The following GYS2 variants were observed in gnomAD, a reference collection of about 807,000 sequenced individuals.
GYS2 encodes the protein glycogen [starch] synthase, liver.
In GYS2, 80 loss-of-function variants were observed where a neutral mutation model predicts 85.6. That is an observed-to-expected ratio of 0.93 (90% confidence interval 0.78 to 1.13). The LOEUF is 1.13. Ranked by LOEUF, GYS2 falls within the 50% of genes most tolerant of loss-of-function variation. The pLI, the probability that GYS2 is intolerant of heterozygous loss-of-function variation, is 0.00. For synonymous variants in GYS2, 328 were observed against 300.7 expected (o/e 1.09, Z -0.94); for missense variants, 881 against 854.9 (o/e 1.03, Z -0.38).
intron 5 of GYS2, among the ~76,000 whole-genome samples, chr12:21,565,494 G>A (rs866345050): frequency 4.9e-5 from 7 of 142,810 alleles, no homozygotes; most frequent in African/African-American, 1.0e-4. Context: ...GTAATGGTGC[G>A]CAGTAACATA....
intron 1 of GYS2, among the ~76,000 whole-genome samples, chr12:21,585,427 C>T (rs967062029): frequency 1.3e-5 from 2 of 151,988 alleles, no homozygotes; most frequent in Admixed American, 6.6e-5. Flanking sequence ...GGTAAGGAAG[C>T]GTATGCATGG....
chr12:21,566,363 T>C (rs1944320821), intron 5 of GYS2, among the ~76,000 whole-genome samples: 1 of 152,036 alleles, frequency 6.6e-6, no homozygotes, highest in Non-Finnish European at 1.5e-5. Context: ...TTTTTTTTTT[T>C]CAGAATGCTC....
At chr12:21,590,606 G>T (rs937986081) in intron 1 of GYS2, among the ~76,000 whole-genome samples, 4 of 152,086 alleles carry the variant, frequency 2.6e-5, no homozygotes, top group African/African-American at 7.2e-5. Flanking sequence ...AGAAGCCTGA[G>T]GACCCACACA....
At chr12:21,594,669 A>C (rs1384256640) in intron 1 of GYS2, among the ~76,000 whole-genome samples, 1 of 152,134 alleles carries the variant, frequency 6.6e-6, no homozygotes, top group East Asian at 1.9e-4. Flanking sequence ...TGGCCATACT[A>C]CCCAAAGCAA....
At chr12:21,595,685 A>C (rs1180214806) in intron 1 of GYS2, among the ~76,000 whole-genome samples, 1 of 152,236 alleles carries the variant, frequency 6.6e-6, no homozygotes, top group Non-Finnish European at 1.5e-5. Flanking sequence ...AACAGCAGTT[A>C]AAAGAGACAA....
chr12:21,580,503 TCA>T lies in GYS2; in HGVS notation c.140_141del (p.Val47AspfsTer11). 1 of 1,613,536 alleles carries T rather than the reference TCA, an allele frequency of 6.2e-7. No homozygotes were observed. On this transcript the variant is annotated frameshift_variant, in exon 2 of 16. Coordinates refer to ENST00000261195, the MANE Select transcript of GYS2 (RefSeq NM_021957.4). LOFTEE classifies it high-confidence loss of function. ...VTNKVGGIYTVIQTKAKTTAD... is the reference protein window; with the variant it reads ...VTNKVGGIYTXIQTKAKTTAD... The stretch of plus-strand genomic sequence containing the variant: ...GCTGTTGTTTTGGCCTTTGTCTGAA[TCA>T]CAGTATAGATGCCTCCAACTGTTAA...
intron 11 of GYS2, among the ~76,000 whole-genome samples, chr12:21,551,286 G>A (rs1304326046): frequency 6.6e-6 from 1 of 150,822 alleles, no homozygotes; most frequent in Non-Finnish European, 1.5e-5. Flanking sequence ...GAAATAATAA[G>A]TATGCATTCT....
In GYS2 at chr12:21,580,350, C is replaced by G. The variant is rs754215144; in HGVS notation, c.295G>C (p.Gly99Arg). Residue 99 changes from glycine to arginine, a missense_variant, in exon 2 of 16, where the codon GGC (glycine) becomes CGC (arginine). Coordinates refer to ENST00000261195, the MANE Select transcript of GYS2 (RefSeq NM_021957.4). The stretch of plus-strand genomic sequence containing the variant: ...AGTGTCAGTTCCTTTACCTGGCAGC[C>G]ATGCTTATTCATTGCGTCCACTGCT... ...RRAVDAMNKH[G>R]CQVHFGRWLI... 1.9e-6 allele frequency: 3 copies of G among 1,613,178 alleles called. No homozygotes were observed. Among genetic ancestry groups the G allele is most frequent in the Non-Finnish European group, 1.7e-6 (2 of 1,179,474 alleles).
At chr12:21,599,090 C>CA in intron 1 of GYS2, among the ~76,000 whole-genome samples, 1 of 151,924 alleles carries the variant, frequency 6.6e-6, no homozygotes, top group East Asian at 1.9e-4. Context: ...TCTCTCTCCC[C>CA]CATCTCTCTC....
chr12:21,575,506 AAGCTTATTAAACAAAT>A (rs1944434457), intron 3 of GYS2, among the ~76,000 whole-genome samples: 1 of 152,082 alleles, frequency 6.6e-6, no homozygotes, highest in Non-Finnish European at 1.5e-5. Context: ...ATCACCTGGA[AAGCTTATTAAACAAAT>A]AGCTTATTAA....
intron 1 of GYS2, among the ~76,000 whole-genome samples, chr12:21,588,814 C>CA (rs1944602206): frequency 6.6e-6 from 1 of 152,172 alleles, no homozygotes; most frequent in Non-Finnish European, 1.5e-5. Context: ...AAATTCTGGA[C>CA]AATTTTAGAA....
chr12:21,536,759 A>G lies in GYS2; in HGVS notation c.*195T>C, dbSNP rs1308300880. Reference sequence around the variant, plus strand: ...TGCCTAACTTTATGGGGGAAACAAGAGTTGGGGAAAATAACTTGGATCTTA... The same window carrying G: ...TGCCTAACTTTATGGGGGAAACAAGGGTTGGGGAAAATAACTTGGATCTTA... On this transcript the variant is annotated 3_prime_UTR_variant, in exon 16 of 16. Coordinates refer to ENST00000261195, the MANE Select transcript of GYS2 (RefSeq NM_021957.4). The G allele has an allele frequency of 1.0e-5, 6 of 601,068 alleles. No homozygotes were observed. In the East Asian group the frequency reaches 1.7e-4, roughly 17 times the overall value. The allele number at this position is 601,068 out of a possible 1,614,324, so 37.2% of individuals were successfully genotyped here.
intron 7 of GYS2, among the ~76,000 whole-genome samples, chr12:21,560,989 G>A (rs1944246199): frequency 6.6e-6 from 1 of 152,154 alleles, no homozygotes; most frequent in African/African-American, 2.4e-5. Flanking sequence ...ATTGATGACA[G>A]ATAGATTATT....
intron 11 of GYS2, among the ~76,000 whole-genome samples, chr12:21,553,380 A>G (rs1431514390): frequency 6.6e-6 from 1 of 152,242 alleles, no homozygotes; most frequent in Non-Finnish European, 1.5e-5. Flanking sequence ...TTCTTTATAG[A>G]TCTGCCAACC....
chr12:21,562,327 C>CTA (rs1944263535), intron 7 of GYS2, among the ~76,000 whole-genome samples: 1 of 151,986 alleles, frequency 6.6e-6, no homozygotes, highest in South Asian at 2.1e-4. Context: ...CTGCCCTGTT[C>CTA]TATAGAGAGT....
chr12:21,535,975 A>G (rs923723463), downstream of GYS2, among the ~76,000 whole-genome samples: 6 of 144,200 alleles, frequency 4.2e-5, no homozygotes, highest in African/African-American at 1.5e-4. Flanking sequence ...TGTCATTATT[A>G]CAACTGAATA....
At chr12:21,563,394 G>T (rs1350668541) in intron 5 of GYS2, 49 bp from the exon 6 acceptor site, 4 of 935,538 alleles carry the variant, frequency 4.3e-6, no homozygotes, top group South Asian at 2.6e-5. Flanking sequence ...TTCAAAGAGG[G>T]TACCATTGTA....
intron 1 of GYS2, among the ~76,000 whole-genome samples, chr12:21,582,598 GATAT>G (rs1944524061): frequency 1.5e-3 from 10 of 6,658 alleles, no homozygotes; most frequent in South Asian, 0.083. Flanking sequence ...TATAGAGATA[GATAT>G]AGATATAGAT....
At chr12:21,593,939 G>A (rs1289876228) in intron 1 of GYS2, among the ~76,000 whole-genome samples, 2 of 151,944 alleles carry the variant, frequency 1.3e-5, no homozygotes, top group African/African-American at 4.8e-5. Context: ...TTATACTAGG[G>A]TTGCAAGAAC....
Sources: gnomAD v4.1 joint callset for allele counts (sites outside exome capture counted in the v4.1 genomes callset) on GRCh38, gnomAD v4.1.1 for gene constraint, MANE v1.5 for transcripts, NCBI Gene and HGNC (gene_info 2026-07-23, HGNC 2026-07-21) for gene names.